Variants in SHLD1 observed in about 807,000 individuals in gnomAD.
SHLD1 encodes the protein RINN1-REV7-interacting novel NHEJ regulator 3.
A neutral mutation model predicts 5.5 loss-of-function variants in SHLD1; 3 were observed. That is an observed-to-expected ratio of 0.54 (90% CI 0.25 to 1.40). The LOEUF is 1.40. SHLD1 is among the 40% of genes most tolerant of loss of function. SHLD1 has a pLI of 0.15. For synonymous variants in SHLD1, 92 were observed against 94.3 expected (o/e 0.98, Z 0.14); for missense variants, 210 against 244.4 (o/e 0.86, Z 0.94).
At chr20:5,753,494 C>T (rs193214954) in intron 1 of SHLD1, among the ~76,000 whole-genome samples, 1 of 152,194 alleles carries the variant, frequency 6.6e-6, no homozygotes, top group African/African-American at 2.4e-5. Context: ...AAAAGCAGCC[C>T]CAAATCATTT....
intron 1 of SHLD1, among the ~76,000 whole-genome samples, chr20:5,770,965 C>CTG (rs1416454305): frequency 6.6e-6 from 1 of 152,122 alleles, no homozygotes; most frequent in Admixed American, 6.6e-5. Context: ...TTTTTCACTT[C>CTG]TGGGAACCAT....
intron 1 of SHLD1, among the ~76,000 whole-genome samples, chr20:5,751,363 G>A (rs1983739659): frequency 6.6e-6 from 1 of 152,078 alleles, no homozygotes; most frequent in Non-Finnish European, 1.5e-5. Flanking sequence ...CTGGAGTATA[G>A]TGGCACGATC....
intron 1 of SHLD1, among the ~76,000 whole-genome samples, chr20:5,762,700 C>G (rs992473409): frequency 6.6e-6 from 1 of 151,884 alleles, no homozygotes; most frequent in Non-Finnish European, 1.5e-5. Context: ...ACAGGCCAGG[C>G]GTGGTGGCTC....
chr20:5,769,107 A>C (rs112417543), intron 1 of SHLD1, among the ~76,000 whole-genome samples: 7 of 151,968 alleles, frequency 4.6e-5, no homozygotes, highest in Non-Finnish European at 8.8e-5. Context: ...GGGTCTTGCT[A>C]TGTTGCCCAG....
chr20:5,857,332 A>G (rs2088101538), intron 2 of SHLD1, among the ~76,000 whole-genome samples: 1 of 152,182 alleles, frequency 6.6e-6, no homozygotes, highest in Non-Finnish European at 1.5e-5. Flanking sequence ...GACTATTTTT[A>G]GAGCCACACA....
At chr20:5,789,016 C>T (rs2087100791) in intron 2 of SHLD1, among the ~76,000 whole-genome samples, 1 of 152,086 alleles carries the variant, frequency 6.6e-6, no homozygotes, top group African/African-American at 2.4e-5. Context: ...CACCTGTAAT[C>T]CCAGCTACTT....
At chr20:5,833,197 C>A (rs2087750233) in intron 2 of SHLD1, among the ~76,000 whole-genome samples, 1 of 152,162 alleles carries the variant, frequency 6.6e-6, no homozygotes. Flanking sequence ...TTCCACGAGA[C>A]TCCTCTGAGC....
intron 2 of SHLD1, among the ~76,000 whole-genome samples, chr20:5,800,118 C>T (rs953646943): frequency 5.3e-5 from 8 of 152,128 alleles, no homozygotes; most frequent in African/African-American, 1.7e-4. Flanking sequence ...TGCATAAAGG[C>T]CAGAGATGAA....
chr20:5,803,770 G>C (rs1271380426), intron 2 of SHLD1, among the ~76,000 whole-genome samples: 1 of 151,708 alleles, frequency 6.6e-6, no homozygotes, highest in Admixed American at 6.6e-5. Context: ...TACTCAGAAG[G>C]CTAAGGCAGG....
chr20:5,859,511 G>A (rs16991362), intron 2 of SHLD1, among the ~76,000 whole-genome samples: 14,718 of 152,188 alleles, frequency 0.097, 761 homozygotes, highest in Non-Finnish European at 0.11. Flanking sequence ...GGGTTTGAAC[G>A]TAACTGGGAG....
chr20:5,760,830 A>C (rs1393447711), intron 1 of SHLD1, among the ~76,000 whole-genome samples: 1 of 152,116 alleles, frequency 6.6e-6, no homozygotes, highest in African/African-American at 2.4e-5. Context: ...TTACGAAATA[A>C]GCATTTTAGT....
chr20:5,817,432 C>CTCTCTGTGTGTGTGTGTGTG (rs1473391202), intron 2 of SHLD1, among the ~76,000 whole-genome samples: 1 of 85,586 alleles, frequency 1.2e-5, no homozygotes, highest in African/African-American at 5.6e-5. Flanking sequence ...CTCTCTCTCT[C>CTCTCTGTGTGTGTGTGTGTG]TGTGTGTGTG....
chr20:5,824,364 T>G lies in SHLD1; in HGVS notation c.179-38660T>G, dbSNP rs562599063. ...TCCATTCACCTCGCTCTCTATCCCC[T>G]TCCTCTATTTTATCTTTCATTATGG... On this transcript the variant is annotated intron_variant, in intron 2 of 2. Coordinates refer to ENST00000303142, the MANE Select transcript of SHLD1 (RefSeq NM_152504.4). Among the ~76,000 whole-genome samples, 18 of 152,312 alleles carry G rather than the reference T, an allele frequency of 1.2e-4. No homozygotes were observed. The South Asian group carries it at 3.5e-3, about 30-fold the overall frequency.
intron 2 of SHLD1, among the ~76,000 whole-genome samples, chr20:5,812,595 C>A (rs1045397026): frequency 6.6e-6 from 1 of 152,190 alleles, no homozygotes; most frequent in African/African-American, 2.4e-5. Context: ...TAAAATAAAT[C>A]ATCATGAATG....
At chr20:5,798,050 G>A (rs1166335504) in intron 2 of SHLD1, among the ~76,000 whole-genome samples, 1 of 152,128 alleles carries the variant, frequency 6.6e-6, no homozygotes, top group African/African-American at 2.4e-5. Flanking sequence ...GGTTCTTATG[G>A]TCCATGTGAT....
intron 2 of SHLD1, among the ~76,000 whole-genome samples, chr20:5,805,136 T>A (rs1327186917): frequency 6.6e-6 from 1 of 151,316 alleles, no homozygotes; most frequent in Non-Finnish European, 1.5e-5. Flanking sequence ...TCCTTAATCT[T>A]CTTTATCAAA....
chr20:5,800,083 A>C lies in SHLD1; in HGVS notation c.178+27040A>C, dbSNP rs544387987. On this transcript the variant is annotated intron_variant, in intron 2 of 2. Coordinates refer to ENST00000303142, the MANE Select transcript of SHLD1 (RefSeq NM_152504.4). ...ACATTTTTGGTTGTTGCAACTGGGT[A>C]GGGGGCAGTGCTACTGGCATGTAGT... 3.3e-5 allele frequency among the ~76,000 whole-genome samples: 5 copies of C among 152,324 alleles called. No homozygotes were observed. The East Asian group carries it at 9.6e-4, about 29-fold the overall frequency.
chr20:5,821,827 C>T (rs1425020343), intron 2 of SHLD1, among the ~76,000 whole-genome samples: 2 of 152,122 alleles, frequency 1.3e-5, no homozygotes, highest in African/African-American at 2.4e-5. Flanking sequence ...TGCTGAGTGT[C>T]CTTGAACTGT....
At chr20:5,852,728 G>A (rs905554191) in intron 2 of SHLD1, among the ~76,000 whole-genome samples, 1 of 152,220 alleles carries the variant, frequency 6.6e-6, no homozygotes, top group Non-Finnish European at 1.5e-5. Context: ...GGGATTACAG[G>A]CGTGAGCCAC....
Sources: gnomAD v4.1 joint callset for allele counts (sites outside exome capture counted in the v4.1 genomes callset) on GRCh38, gnomAD v4.1.1 for gene constraint, MANE v1.5 for transcripts, NCBI Gene and HGNC (gene_info 2026-07-23, HGNC 2026-07-21) for gene names.